The following LOC128706665 variants were observed in gnomAD, a reference collection of about 807,000 sequenced individuals.
the LOC128706665 span, among the ~76,000 whole-genome samples, chr20:10,433,774 A>T: frequency 3.3e-5 from 5 of 152,038 alleles, no homozygotes; most frequent in African/African-American, 9.7e-5. Flanking sequence ...CCAGCGAGGG[A>T]GGGGACGGGG....
At chr20:10,427,069 C>CACACACACACACAA in the LOC128706665 span, among the ~76,000 whole-genome samples, 1 of 125,878 alleles carries the variant, frequency 7.9e-6, no homozygotes, top group South Asian at 2.4e-4. Context: ...CACACACACA[C>CACACACACACACAA]ACACACACAC....
the LOC128706665 span, chr20:10,420,602 C>T: frequency 5.9e-5 from 9 of 152,200 alleles, no homozygotes; most frequent in Admixed American, 5.9e-4. Context: ...CTATCTTGCT[C>T]AGGAATGTCG....
At chr20:10,423,827 T>G in the LOC128706665 span, among the ~76,000 whole-genome samples, 4 of 152,232 alleles carry the variant, frequency 2.6e-5, no homozygotes, top group Admixed American at 2.0e-4. Context: ...CTATTTTAAC[T>G]GAAAACTCTA....
the LOC128706665 span, among the ~76,000 whole-genome samples, chr20:10,428,757 T>C: frequency 2.0e-5 from 3 of 152,182 alleles, no homozygotes; most frequent in East Asian, 5.8e-4. Context: ...GAGAATCGCT[T>C]GAATCCAGGA....
chr20:10,421,370 G>A, the LOC128706665 span, among the ~76,000 whole-genome samples: 1 of 146,356 alleles, frequency 6.8e-6, no homozygotes, highest in East Asian at 2.0e-4. Context: ...GTTGCAGTGA[G>A]CCAAGATCAT....
the LOC128706665 span, among the ~76,000 whole-genome samples, chr20:10,417,561 T>C: frequency 6.6e-6 from 1 of 152,160 alleles, no homozygotes; most frequent in Non-Finnish European, 1.5e-5. Context: ...CAGTGAGCTA[T>C]GATATGTTAC....
At chr20:10,431,569 A>G in the LOC128706665 span, 2 of 151,506 alleles carry the variant, frequency 1.3e-5, no homozygotes, top group African/African-American at 4.9e-5. Context: ...AACCAAACCA[A>G]ACCCGCACAA....
chr20:10,422,770 G>A, the LOC128706665 span, among the ~76,000 whole-genome samples: 1 of 150,222 alleles, frequency 6.7e-6, no homozygotes, highest in African/African-American at 2.5e-5. Context: ...GTAGTGCAGT[G>A]GTGCGATCTC....
chr20:10,417,556 A>G, the LOC128706665 span, among the ~76,000 whole-genome samples: 5 of 152,196 alleles, frequency 3.3e-5, no homozygotes, highest in Non-Finnish European at 2.9e-5. Flanking sequence ...GGCTGCAGTG[A>G]GCTATGATAT....
chr20:10,433,340 C>T, the LOC128706665 span, among the ~76,000 whole-genome samples: 8 of 152,360 alleles, frequency 5.3e-5, no homozygotes, highest in South Asian at 2.1e-4. Context: ...TGGTTGAATT[C>T]ACACATGCGG....
chr20:10,414,029 GA>G, the LOC128706665 span: 2 of 386,474 alleles, frequency 5.2e-6, no homozygotes, highest in African/African-American at 4.1e-5. Context: ...TGCCTTTTTA[GA>G]AAAAGGAACT....
At chr20:10,428,347 C>T in the LOC128706665 span, among the ~76,000 whole-genome samples, 1 of 152,318 alleles carries the variant, frequency 6.6e-6, no homozygotes, top group East Asian at 1.9e-4. Flanking sequence ...GCCTTTAGTG[C>T]TACAGCAAAC....
At chr20:10,424,455 T>C in the LOC128706665 span, among the ~76,000 whole-genome samples, 1 of 152,234 alleles carries the variant, frequency 6.6e-6, no homozygotes, top group East Asian at 1.9e-4. Context: ...ACTACTTCAT[T>C]TCTTTCACTT....
At chr20:10,417,174 C>T in the LOC128706665 span, among the ~76,000 whole-genome samples, 1 of 150,628 alleles carries the variant, frequency 6.6e-6, no homozygotes, top group Non-Finnish European at 1.5e-5. Flanking sequence ...TCACTTCAAC[C>T]CAGAAGGCAG....
chr20:10,424,364 G>A, the LOC128706665 span, among the ~76,000 whole-genome samples: 440 of 152,038 alleles, frequency 2.9e-3, 3 homozygotes, highest in African/African-American at 0.01. Flanking sequence ...GAGACTGCCT[G>A]GGCAATACAG....
At chr20:10,419,633 T>C in the LOC128706665 span, among the ~76,000 whole-genome samples, 2 of 152,202 alleles carry the variant, frequency 1.3e-5, no homozygotes. Context: ...ACAATACTCC[T>C]GTGCTTTGGG....
the LOC128706665 span, among the ~76,000 whole-genome samples, chr20:10,414,326 C>T: frequency 7.8e-5 from 11 of 141,912 alleles, no homozygotes; most frequent in Admixed American, 7.5e-4. Context: ...AGTGCAATGG[C>T]GTGATCTTGG....
At chr20:10,428,111 T>C in the LOC128706665 span, among the ~76,000 whole-genome samples, 1 of 152,232 alleles carries the variant, frequency 6.6e-6, no homozygotes, top group African/African-American at 2.4e-5. Context: ...CAGTCTCAAA[T>C]ATTAAGCAAG....
chr20:10,427,051 C>CACACAG, the LOC128706665 span, among the ~76,000 whole-genome samples: 1 of 138,806 alleles, frequency 7.2e-6, no homozygotes, highest in Admixed American at 7.0e-5. Context: ...CACACACACA[C>CACACAG]ACACACACAC....
Sources: allele counts gnomAD v4.1 joint callset (sites outside exome capture counted in the v4.1 genomes callset), GRCh38; gene constraint gnomAD v4.1.1; transcripts MANE v1.5.